ACSF3: variants seen among roughly 807,000 people sequenced by gnomAD.
The protein encoded by ACSF3 is acyl-CoA synthetase family member 3, also known as malonate--CoA ligase ACSF3, mitochondrial.
In ACSF3, 78 loss-of-function variants were observed where a neutral mutation model predicts 53.2. The ratio of observed to expected loss-of-function variants is 1.47; its 90% confidence interval spans 1.22 to 1.77. The LOEUF (loss-of-function observed/expected upper bound fraction) is 1.77, where lower values mean the gene tolerates loss of function less well. Among genes scored for constraint, ACSF3 ranks in the 40% most tolerant of loss-of-function variants. ACSF3 has a pLI of 0.00. For synonymous variants in ACSF3, 414 were observed against 333.1 expected (o/e 1.24, Z -2.65); for missense variants, 937 against 771.1 (o/e 1.22, Z -2.55).
At chr16:89,151,109 G>C in intron 10 of ACSF3, 1 of 1,193,952 alleles carries the variant, frequency 8.4e-7, no homozygotes, top group South Asian at 1.3e-5. Flanking sequence ...CAGGCATGCG[G>C]GCTCTGACGG....
At chr16:89,135,035 C>T (rs1369966632) in intron 8 of ACSF3, among the ~76,000 whole-genome samples, 1 of 149,442 alleles carries the variant, frequency 6.7e-6, no homozygotes, top group Non-Finnish European at 1.5e-5. Context: ...CTCCTGACCC[C>T]TGGGTGGTGA....
intron 7 of ACSF3, among the ~76,000 whole-genome samples, chr16:89,132,609 G>C (rs1213706241): frequency 1.3e-5 from 2 of 152,246 alleles, no homozygotes; most frequent in Non-Finnish European, 2.9e-5. Context: ...CCTTCCCACG[G>C]AGTCTTCCCT....
In ACSF3 at chr16:89,145,342, G is replaced by T. The variant is rs1483707406; in HGVS notation, c.1442G>T (p.Gly481Val). 6.2e-7 allele frequency: 1 copy of T among 1,614,216 alleles called. No individual in the cohort carries two copies. Among genetic ancestry groups the T allele is most frequent in the African/African-American group, 1.3e-5 (1 of 75,060 alleles). The change falls in exon 9 of 11, where the codon GGC becomes GTC. Residue 481 changes from glycine (G) to valine (V), a missense_variant. By Grantham distance (109) the Gly-to-Val change is moderately radical. Coordinates refer to ENST00000614302, the MANE Select transcript of ACSF3 (RefSeq NM_001243279.3). Reference protein sequence around the residue: ...RTSVDIIKTGGYKVSALEVEW... With the variant: ...RTSVDIIKTGVYKVSALEVEW... ...TCAGTGGACATCATCAAGACTGGAG[G>T]CTACAAGGTCAGCGCCCTGGAGGTG...
rs1413180693 is a variant in ACSF3 at position 89,101,310 on chromosome 16, A to G, written c.629A>G (p.Lys210Arg). 1.2e-6 allele frequency: 2 copies of G among 1,600,188 alleles called. No homozygotes were observed. The highest frequency in any genetic ancestry group is 8.5e-7 in the Non-Finnish European group (1 of 1,174,004). Residue 210 changes from lysine (K) to arginine (R), a missense_variant, in exon 3 of 11, where the codon AAG (lysine) becomes AGG (arginine). Coordinates refer to ENST00000614302, the MANE Select transcript of ACSF3 (RefSeq NM_001243279.3). ...ACCAGTGGGACCACGGGGAGGCCCA[A>G]GGGCGTGCTGAGCACGCACCAAAAC... ...IYTSGTTGRP[K>R]GVLSTHQNIR...
At position 89,155,508 on chromosome 16, in the gene ACSF3, G is replaced by T. The variant is rs767501074; in HGVS notation, c.*1301G>T. On this transcript the variant is annotated 3_prime_UTR_variant, in exon 11 of 11. Coordinates refer to ENST00000614302, the MANE Select transcript of ACSF3 (RefSeq NM_001243279.3). ...CCAGCCCTGTTTTCCAGGACTGGTG[G>T]GTGCCCCAGTCCACGGCCCTGCCCC... 2.2e-6 allele frequency: 1 copy of T among 454,150 alleles called. No individual in the cohort carries two copies. Among genetic ancestry groups the T allele is most frequent in the Non-Finnish European group, 4.4e-6 (1 of 226,798 alleles). 28.1% of individuals were successfully genotyped at this position (454,150 alleles called of 1,614,324 possible).
At chr16:89,105,154 G>A (rs1433715570) in intron 4 of ACSF3, among the ~76,000 whole-genome samples, 1 of 132,992 alleles carries the variant, frequency 7.5e-6, no homozygotes, top group Non-Finnish European at 1.6e-5. Context: ...CCACATTCTT[G>A]TTGGCTTCAG....
chr16:89,147,253 CACAGAGTGAGTGA>C (rs1451741009), intron 10 of ACSF3, among the ~76,000 whole-genome samples: 1 of 80,564 alleles, frequency 1.2e-5, no homozygotes, highest in Non-Finnish European at 2.3e-5. Flanking sequence ...AGGGAGGGGT[CACAGAGTGAGTGA>C]GGGAGGAGGG....
intron 10 of ACSF3, chr16:89,148,736 C>T (rs894919820): frequency 1.3e-5 from 2 of 152,248 alleles, no homozygotes; most frequent in African/African-American, 4.8e-5. Flanking sequence ...GGCCTGAGCT[C>T]TATCTGGAGC....
At chr16:89,137,803 T>C (rs992653655) in intron 8 of ACSF3, among the ~76,000 whole-genome samples, 15 of 152,080 alleles carry the variant, frequency 9.9e-5, no homozygotes, top group African/African-American at 3.4e-4. Context: ...TCCCCCAAGG[T>C]TGAACATCAG....
rs1486449038 is a variant in ACSF3, at chr16:89,154,233, G to C, written c.*26G>C. ...CCCGGCAGACTGGGACTGCGGGTCT[G>C]GTGGGGAGCAGCAGACGTCCCCTTC... On this transcript the variant is annotated 3_prime_UTR_variant, in exon 11 of 11. Transcript: ENST00000614302. The C allele has an allele frequency of 6.2e-7, 1 of 1,606,472 alleles. No individual in the cohort carries two copies. The highest frequency in any genetic ancestry group is 2.2e-5 in the East Asian group (1 of 44,822).
In ACSF3 at chr16:89,155,220, G is replaced by A. The variant is rs75531939; in HGVS notation, c.*1013G>A. On this transcript the variant is annotated 3_prime_UTR_variant, in exon 11 of 11. Transcript: ENST00000614302. ...ATAGGCTGCCTCCTCCCCACAGCCT[G>A]GGGGAAGTAACAGTCATCGCCCAGC... is the stretch of plus-strand genomic sequence containing the variant. 2.2e-6 allele frequency: 1 copy of A among 454,128 alleles called. No individual in the cohort carries two copies. Among genetic ancestry groups the A allele is most frequent in the South Asian group, 1.6e-5 (1 of 64,472 alleles). 28.1% of individuals were successfully genotyped at this position (454,128 alleles called of 1,614,324 possible).
chr16:89,127,430 T>C (rs1003545777), intron 7 of ACSF3, among the ~76,000 whole-genome samples: 1 of 152,152 alleles, frequency 6.6e-6, no homozygotes, highest in African/African-American at 2.4e-5. Flanking sequence ...AGTGGTGCAA[T>C]CATAGCTCAC....
intron 7 of ACSF3, among the ~76,000 whole-genome samples, chr16:89,129,766 G>A (rs1457817953): frequency 6.6e-6 from 1 of 152,082 alleles, no homozygotes; most frequent in African/African-American, 2.4e-5. Context: ...GACCATAAAT[G>A]TCTTTGCATA....
At chr16:89,148,272 T>C (rs1913485661) in intron 10 of ACSF3, 2 of 152,060 alleles carry the variant, frequency 1.3e-5, no homozygotes, top group Admixed American at 6.6e-5. Flanking sequence ...CTAATTTTTG[T>C]ATTTTTTAGT....
intron 3 of ACSF3, 27 bp downstream of exon 3, chr16:89,101,374 T>A: frequency 9.0e-6 from 14 of 1,558,920 alleles, no homozygotes; most frequent in Non-Finnish European, 1.2e-5. Flanking sequence ...GCCGTGATGG[T>A]TTCGGTGACC....
rs745633046 is a variant in ACSF3 at position 89,100,875 on chromosome 16, G to A, written c.194G>A (p.Arg65His). 3.8e-5 allele frequency: 62 copies of A among 1,613,574 alleles called. No homozygotes were observed. Among genetic ancestry groups the A allele is most frequent in the South Asian group, 2.6e-4 (24 of 91,096 alleles). ...ATCGCCCTGGTTGACCAGCACGGCC[G>A]CCACACGTACAGGGAGCTTTATTCC... ...DRIALVDQHG[R>H]HTYRELYSRS... The change falls in exon 3 of 11, where the codon CGC (arginine) becomes CAC (histidine). Residue 65 changes from arginine (R) to histidine (H), a missense_variant. Coordinates refer to ENST00000614302, the MANE Select transcript of ACSF3 (RefSeq NM_001243279.3).
At position 89,150,935 on chromosome 16, in the gene ACSF3, G is replaced by C. The variant is rs1813729173; in HGVS notation, c.1614-3155G>C. On this transcript the variant is annotated intron_variant, in intron 10 of 10. Transcript: ENST00000614302. ...AGTAAGTTAGAGGATTAATCCAAAT[G>C]TTCCAACTGTCTAATGGGAGTTCCA... The C allele has an allele frequency of 5.7e-6, 7 of 1,228,570 alleles. No homozygotes were observed. The Admixed American group carries it at 9.9e-5, about 17-fold the overall frequency. The allele number at this position is 1,228,570 out of a possible 1,614,324, so 76.1% of individuals were successfully genotyped here. A position where few individuals can be genotyped will look rare whatever the true frequency, so the allele number is the denominator to read the frequency against.
chr16:89,154,889 C>T lies in ACSF3; in HGVS notation c.*682C>T, dbSNP rs1470618989. 6.6e-6 allele frequency: 3 copies of T among 453,996 alleles called. No individual in the cohort carries two copies. The highest frequency in any genetic ancestry group is 2.0e-5 in the African/African-American group (1 of 49,988). 28.1% of individuals were successfully genotyped at this position (453,996 alleles called of 1,614,324 possible). On this transcript the variant is annotated 3_prime_UTR_variant, in exon 11 of 11. Coordinates refer to ENST00000614302, the MANE Select transcript of ACSF3 (RefSeq NM_001243279.3). Reference sequence around the variant, plus strand: ...CGGAGCTGCTCTGCCGTGACCCTGCCTCACCCCCCAGCGCAGGGACTTTCC... The same window carrying T: ...CGGAGCTGCTCTGCCGTGACCCTGCTTCACCCCCCAGCGCAGGGACTTTCC...
At chr16:89,141,518 G>T (rs575899413) in intron 8 of ACSF3, among the ~76,000 whole-genome samples, 1 of 152,364 alleles carries the variant, frequency 6.6e-6, no homozygotes, top group East Asian at 1.9e-4. Flanking sequence ...TGTGCAGCAG[G>T]ATGGACCCTG....
Sources: allele counts gnomAD v4.1 joint callset (sites outside exome capture counted in the v4.1 genomes callset), GRCh38; gene constraint gnomAD v4.1.1; transcripts MANE v1.5; gene names NCBI Gene and HGNC (gene_info 2026-07-23, HGNC 2026-07-21).